ASTN2: variants seen among roughly 807,000 people sequenced by gnomAD.
ASTN2 encodes astrotactin 2, also known as astrotactin-2.
Under a neutral mutation model 139.8 loss-of-function variants are expected in ASTN2, and 54 were observed. The ratio of observed to expected loss-of-function variants is 0.39; its 90% CI spans 0.31 to 0.48. The LOEUF is 0.48. ASTN2 is among the 20% of genes least tolerant of loss of function. The pLI, the probability that ASTN2 is intolerant of heterozygous loss-of-function variation, is 0.95. For synonymous variants in ASTN2, 756 were observed against 719.5 expected (o/e 1.05, Z -0.81); for missense variants, 1,565 against 1,725.1 (o/e 0.91, Z 1.64).
intron 17 of ASTN2, among the ~76,000 whole-genome samples, chr9:116,628,910 C>G (rs1025650555): frequency 6.6e-6 from 1 of 152,180 alleles, no homozygotes; most frequent in Non-Finnish European, 1.5e-5. Context: ...TTCCTGCCAG[C>G]TGGCATCCTC....
intron 1 of ASTN2, among the ~76,000 whole-genome samples, chr9:117,352,322 T>C (rs1361520496): frequency 6.6e-6 from 1 of 152,198 alleles, no homozygotes; most frequent in Non-Finnish European, 1.5e-5. Context: ...ATTAGTTTAA[T>C]GAGGAACATG....
intron 19 of ASTN2, among the ~76,000 whole-genome samples, chr9:116,524,582 TCA>T (rs1328427099): frequency 7.9e-5 from 12 of 152,312 alleles, no homozygotes; most frequent in African/African-American, 2.9e-4. Context: ...TCTCTGAGTC[TCA>T]GTTTCCTTCC....
chr9:116,843,305 A>T (rs761713365), intron 11 of ASTN2, among the ~76,000 whole-genome samples: 1 of 152,192 alleles, frequency 6.6e-6, no homozygotes, highest in Non-Finnish European at 1.5e-5. Context: ...GCTGGAGGCC[A>T]TTATCCTAAG....
chr9:116,829,754 C>T (rs980710896), intron 11 of ASTN2, among the ~76,000 whole-genome samples: 2 of 152,164 alleles, frequency 1.3e-5, no homozygotes, highest in African/African-American at 4.8e-5. Context: ...TACAATTCAA[C>T]ATGAAATTTG....
At chr9:116,479,752 G>A (rs1290435691) in intron 20 of ASTN2, among the ~76,000 whole-genome samples, 1 of 152,182 alleles carries the variant, frequency 6.6e-6, no homozygotes, top group Non-Finnish European at 1.5e-5. Context: ...ACAACTAAAA[G>A]TGTGTTTTCC....
At chr9:116,965,399 G>A (rs573851705) in intron 10 of ASTN2, among the ~76,000 whole-genome samples, 2 of 152,272 alleles carry the variant, frequency 1.3e-5, no homozygotes, top group East Asian at 3.9e-4. Context: ...CTCCTAACAT[G>A]TGACAGACTT....
At chr9:116,821,550 T>G (rs1313606954) in intron 11 of ASTN2, among the ~76,000 whole-genome samples, 1 of 152,182 alleles carries the variant, frequency 6.6e-6, no homozygotes, top group Non-Finnish European at 1.5e-5. Flanking sequence ...CAGTCAGGCC[T>G]TCTCAAAACC....
At chr9:116,966,729 T>TGGA (rs543685880) in intron 10 of ASTN2, among the ~76,000 whole-genome samples, 23 of 149,830 alleles carry the variant, frequency 1.5e-4, no homozygotes, top group African/African-American at 5.1e-4. Context: ...AGGAGGGATG[T>TGGA]GGAGGTACCA....
chr9:117,273,084 T>A (rs970095727), intron 2 of ASTN2, among the ~76,000 whole-genome samples: 1 of 152,204 alleles, frequency 6.6e-6, no homozygotes, highest in African/African-American at 2.4e-5. Context: ...TAATTTGACT[T>A]ACAGTTCCAC....
intron 10 of ASTN2, among the ~76,000 whole-genome samples, chr9:116,902,735 C>A (rs1461608510): frequency 3.3e-5 from 5 of 152,050 alleles, no homozygotes; most frequent in Non-Finnish European, 5.9e-5. Context: ...TTCTAGAGAA[C>A]CCTGATTAAT....
intron 10 of ASTN2, among the ~76,000 whole-genome samples, chr9:116,894,839 C>A (rs1833845265): frequency 6.6e-6 from 1 of 152,204 alleles, no homozygotes; most frequent in African/African-American, 2.4e-5. Context: ...GATTAGAATT[C>A]AAGGTCTTCC....
chr9:117,090,394 G>C (rs527688920), intron 5 of ASTN2, among the ~76,000 whole-genome samples: 1 of 152,010 alleles, frequency 6.6e-6, no homozygotes, highest in Non-Finnish European at 1.5e-5. Flanking sequence ...GATGGCTACA[G>C]TTCTGTGCTT....
At chr9:117,124,922 G>A (rs1488317445) in intron 4 of ASTN2, among the ~76,000 whole-genome samples, 2 of 152,036 alleles carry the variant, frequency 1.3e-5, no homozygotes, top group East Asian at 1.9e-4. Flanking sequence ...CTACTCACCT[G>A]TGAAGGCTTC....
At chr9:116,976,653 A>G (rs773115382) in intron 8 of ASTN2, 48 bp downstream of exon 8, 1 of 1,540,952 alleles carries the variant, frequency 6.5e-7, no homozygotes, top group South Asian at 1.1e-5. Flanking sequence ...CAGAGGAGGT[A>G]AAAGTGGGTC....
intron 5 of ASTN2, among the ~76,000 whole-genome samples, chr9:117,089,609 G>A (rs998545159): frequency 1.3e-4 from 20 of 151,882 alleles, no homozygotes; most frequent in African/African-American, 4.8e-4. Flanking sequence ...TGATTTCTGA[G>A]ATTTTGGTTC....
At chr9:117,391,169 C>A (rs571610993) in intron 1 of ASTN2, among the ~76,000 whole-genome samples, 22 of 152,262 alleles carry the variant, frequency 1.4e-4, no homozygotes, top group Non-Finnish European at 2.4e-4. Context: ...GGAGGGCCAA[C>A]TGTATTCTAA....
chr9:116,477,006 C>T (rs1849000609), intron 20 of ASTN2, among the ~76,000 whole-genome samples: 2 of 152,168 alleles, frequency 1.3e-5, no homozygotes, highest in Non-Finnish European at 2.9e-5. Flanking sequence ...GTATTCAAGG[C>T]TTAGCCCTCC....
chr9:117,135,428 C>T (rs758337424), intron 4 of ASTN2, among the ~76,000 whole-genome samples: 34 of 152,144 alleles, frequency 2.2e-4, no homozygotes, highest in South Asian at 4.1e-4. Context: ...TCCCATTAAC[C>T]GTTTGCATAC....
Sources: gnomAD v4.1 joint callset for allele counts (sites outside exome capture counted in the v4.1 genomes callset) on GRCh38, gnomAD v4.1.1 for gene constraint, MANE v1.5 for transcripts, NCBI Gene and HGNC (gene_info 2026-07-23, HGNC 2026-07-21) for gene names.